The following TAFA4 variants were observed in gnomAD, a reference collection of about 807,000 sequenced individuals.
TAFA4 encodes the protein TAFA chemokine like family member 4.
Under a neutral mutation model 21.1 loss-of-function variants are expected in TAFA4, and 20 were observed. The ratio of observed to expected loss-of-function variants is 0.95; its 90% CI spans 0.67 to 1.38. The LOEUF (loss-of-function observed/expected upper bound fraction) is 1.38, where lower values mean the gene tolerates loss of function less well. TAFA4 is among the 40% of genes most tolerant of loss of function. The probability of loss-of-function intolerance (pLI) is 0.00; values close to 1 mark genes in which losing one functional copy is unlikely to be tolerated. For synonymous variants in TAFA4, 71 were observed against 67.4 expected (o/e 1.05, Z -0.26); for missense variants, 211 against 180.9 (o/e 1.17, Z -0.95).
chr3:68,916,367 A>T (rs551445641), intron 1 of TAFA4, among the ~76,000 whole-genome samples: 1 of 152,290 alleles, frequency 6.6e-6, no homozygotes, highest in Middle Eastern at 3.4e-3. Flanking sequence ...GTATCTCTCC[A>T]TTTGATCCTT....
chr3:68,927,167 G>A (rs886457143), intron 1 of TAFA4, among the ~76,000 whole-genome samples: 3 of 152,184 alleles, frequency 2.0e-5, no homozygotes. Flanking sequence ...CTTCCTTGCT[G>A]AAAACCTTTG....
At chr3:68,816,036 A>G (rs1703967222) in intron 3 of TAFA4, among the ~76,000 whole-genome samples, 1 of 152,178 alleles carries the variant, frequency 6.6e-6, no homozygotes, top group Non-Finnish European at 1.5e-5. Flanking sequence ...GTAGCTGGAA[A>G]CCATCATTCT....
chr3:68,928,468 C>A (rs2090129537), intron 1 of TAFA4, among the ~76,000 whole-genome samples: 1 of 152,162 alleles, frequency 6.6e-6, no homozygotes, highest in Non-Finnish European at 1.5e-5. Flanking sequence ...AACCATAAAT[C>A]ATTATCTTAA....
chr3:68,896,106 G>C (rs1005090605), intron 1 of TAFA4, among the ~76,000 whole-genome samples: 3 of 152,140 alleles, frequency 2.0e-5, no homozygotes, highest in African/African-American at 4.8e-5. Context: ...GAGGCCAGAG[G>C]GGAGTAAGCA....
At chr3:68,867,688 G>C (rs1351354423) in intron 3 of TAFA4, among the ~76,000 whole-genome samples, 1 of 152,056 alleles carries the variant, frequency 6.6e-6, no homozygotes, top group Non-Finnish European at 1.5e-5. Context: ...TCAAAATGTG[G>C]AAGGGATGAA....
chr3:68,811,733 A>T (rs996520291), intron 3 of TAFA4, among the ~76,000 whole-genome samples: 3 of 152,244 alleles, frequency 2.0e-5, no homozygotes, highest in African/African-American at 7.2e-5. Context: ...GAATGGAACC[A>T]AGTTGGAAAA....
At chr3:68,865,866 C>T (rs539508074) in intron 3 of TAFA4, among the ~76,000 whole-genome samples, 12 of 152,050 alleles carry the variant, frequency 7.9e-5, no homozygotes, top group Non-Finnish European at 1.8e-4. Context: ...AAACTCCAGA[C>T]AGATGGTAAG....
intron 3 of TAFA4, among the ~76,000 whole-genome samples, chr3:68,808,988 CAT>C (rs1227945243): frequency 9.9e-5 from 15 of 152,182 alleles, no homozygotes; most frequent in African/African-American, 3.6e-4. Flanking sequence ...AGGAGGTACA[CAT>C]GTCACTTCCA....
chr3:68,823,070 T>C (rs1458432592), intron 3 of TAFA4, among the ~76,000 whole-genome samples: 1 of 152,170 alleles, frequency 6.6e-6, no homozygotes, highest in Non-Finnish European at 1.5e-5. Context: ...TGACTCTTAA[T>C]ATAAGTATCA....
chr3:68,881,495 G>A (rs531133866), intron 2 of TAFA4, among the ~76,000 whole-genome samples: 1 of 152,240 alleles, frequency 6.6e-6, no homozygotes, highest in East Asian at 1.9e-4. Flanking sequence ...GTAAAAAAAA[G>A]GAAGATATCA....
chr3:68,925,837 C>T (rs1474231833), intron 1 of TAFA4, among the ~76,000 whole-genome samples: 1 of 152,182 alleles, frequency 6.6e-6, no homozygotes, highest in Admixed American at 6.5e-5. Context: ...TGTCGGCCTC[C>T]TTCCCTAGCC....
chr3:68,787,294 T>C (rs1703279301), intron 3 of TAFA4, among the ~76,000 whole-genome samples: 1 of 152,160 alleles, frequency 6.6e-6, no homozygotes, highest in Admixed American at 6.5e-5. Context: ...CTACACTCAC[T>C]ATTAAAAGCT....
chr3:68,738,487 G>A (rs1197523145), intron 5 of TAFA4, among the ~76,000 whole-genome samples: 1 of 152,164 alleles, frequency 6.6e-6, no homozygotes, highest in Non-Finnish European at 1.5e-5. Flanking sequence ...TTGGACAAGA[G>A]GAGTAAGCAC....
chr3:68,922,771 A>AT (rs1398663534), intron 1 of TAFA4, among the ~76,000 whole-genome samples: 1 of 152,074 alleles, frequency 6.6e-6, no homozygotes, highest in African/African-American at 2.4e-5. Flanking sequence ...GTCTTGAGGA[A>AT]TTTTTTCCTT....
intron 1 of TAFA4, among the ~76,000 whole-genome samples, chr3:68,887,090 G>A (rs1575658540): frequency 6.6e-6 from 1 of 152,294 alleles, no homozygotes; most frequent in East Asian, 1.9e-4. Flanking sequence ...CTCCAGCTGT[G>A]AGCCTATAAA....
chr3:68,801,684 T>C (rs1391872930), intron 3 of TAFA4, among the ~76,000 whole-genome samples: 1 of 152,210 alleles, frequency 6.6e-6, no homozygotes, highest in African/African-American at 2.4e-5. Context: ...AGTAAATATT[T>C]TAGGCTTTAG....
At chr3:68,765,140 T>C (rs1702826843) in intron 3 of TAFA4, among the ~76,000 whole-genome samples, 1 of 152,160 alleles carries the variant, frequency 6.6e-6, no homozygotes, top group Non-Finnish European at 1.5e-5. Flanking sequence ...CTTGTTTTAG[T>C]CCTTATAAGT....
intron 1 of TAFA4, among the ~76,000 whole-genome samples, chr3:68,908,522 G>GA (rs5849869): frequency 1.4e-5 from 2 of 147,518 alleles, no homozygotes; most frequent in African/African-American, 2.5e-5. Flanking sequence ...AAGCAAAAGT[G>GA]AAAAAAAAAA....
intron 3 of TAFA4, among the ~76,000 whole-genome samples, chr3:68,853,733 AG>A (rs1705001317): frequency 6.6e-6 from 1 of 152,200 alleles, no homozygotes; most frequent in South Asian, 2.1e-4. Flanking sequence ...AAGGTAGCTA[AG>A]GGCAGGTAAG....
Sources: allele counts gnomAD v4.1 joint callset (sites outside exome capture counted in the v4.1 genomes callset), GRCh38; gene constraint gnomAD v4.1.1; transcripts MANE v1.5; gene names NCBI Gene and HGNC (gene_info 2026-07-23, HGNC 2026-07-21).